Variants in SUGCT observed in about 807,000 individuals in gnomAD.
SUGCT encodes succinyl-CoA:glutarate CoA-transferase.
Under a neutral mutation model 55.0 loss-of-function variants are expected in SUGCT, and 41 were observed. The observed-to-expected ratio is 0.74, with a 90% CI of 0.58 to 0.97. The LOEUF (loss-of-function observed/expected upper bound fraction) is 0.97, where lower values mean the gene tolerates loss of function less well. SUGCT is among the 50% of genes least tolerant of loss of function. The pLI is 0.00. For synonymous variants in SUGCT, 187 were observed against 200.4 expected (o/e 0.93, Z 0.56); for missense variants, 568 against 547.8 (o/e 1.04, Z -0.37).
the SUGCT span, among the ~76,000 whole-genome samples, chr7:41,016,289 G>A: frequency 6.6e-6 from 1 of 152,020 alleles, no homozygotes; most frequent in African/African-American, 2.4e-5. Context: ...GATGTTTACT[G>A]GCTAATCTTA....
chr7:40,417,887 A>G (rs1480118280), intron 9 of SUGCT, among the ~76,000 whole-genome samples: 1 of 80,388 alleles, frequency 1.2e-5, no homozygotes, highest in African/African-American at 4.7e-5. Flanking sequence ...TATTTATTAC[A>G]CTTACATTTA....
the SUGCT span, among the ~76,000 whole-genome samples, chr7:40,957,447 CTT>C: frequency 4.2e-3 from 322 of 75,868 alleles, no homozygotes; most frequent in Middle Eastern, 0.019. Context: ...GCAACCCCTG[CTT>C]TTTTTTTTTT....
intron 12 of SUGCT, among the ~76,000 whole-genome samples, chr7:40,644,039 C>T (rs576399359): frequency 3.3e-5 from 5 of 152,184 alleles, no homozygotes; most frequent in Admixed American, 6.5e-5. Flanking sequence ...GAAGTCTGAT[C>T]GTGACCTCAG....
At chr7:40,148,562 T>A (rs1788386260) in intron 1 of SUGCT, among the ~76,000 whole-genome samples, 2 of 152,174 alleles carry the variant, frequency 1.3e-5, no homozygotes, top group Non-Finnish European at 2.9e-5. Context: ...GAGAATCACT[T>A]GAACCTGGGA....
At chr7:40,348,588 T>TC (rs957741741) in intron 9 of SUGCT, among the ~76,000 whole-genome samples, 1 of 152,076 alleles carries the variant, frequency 6.6e-6, no homozygotes, top group African/African-American at 2.4e-5. Flanking sequence ...ACCTCTCCAC[T>TC]CCCCCACCTT....
chr7:40,249,315 A>ATCTATATCTATATATATATATATATC (rs1314961773), intron 7 of SUGCT, among the ~76,000 whole-genome samples: 1 of 33,516 alleles, frequency 3.0e-5, no homozygotes, highest in Non-Finnish European at 6.3e-5. Flanking sequence ...CCAAAAAGCT[A>ATCTATATCTATATATATATATATATC]TATATATATA....
At chr7:40,191,051 G>A (rs573434279) in intron 5 of SUGCT, among the ~76,000 whole-genome samples, 162 of 152,088 alleles carry the variant, frequency 1.1e-3, no homozygotes, top group African/African-American at 3.5e-3. Flanking sequence ...GAGTCTTGCC[G>A]TGTCACCCAG....
chr7:40,773,716 G>A (rs914284832), intron 13 of SUGCT, among the ~76,000 whole-genome samples: 3 of 152,198 alleles, frequency 2.0e-5, no homozygotes, highest in African/African-American at 7.2e-5. Context: ...CTCTAGATAA[G>A]TAAAGTGTTT....
At chr7:40,938,014 A>T in the SUGCT span, among the ~76,000 whole-genome samples, 1 of 152,160 alleles carries the variant, frequency 6.6e-6, no homozygotes, top group Admixed American at 6.5e-5. Flanking sequence ...TCCTGTGAAG[A>T]TCTATTGCCT....
At chr7:40,399,550 C>T (rs1374980503) in intron 9 of SUGCT, among the ~76,000 whole-genome samples, 1 of 152,110 alleles carries the variant, frequency 6.6e-6, no homozygotes, top group Non-Finnish European at 1.5e-5. Context: ...TGAGAGTTTC[C>T]TCACCACAAT....
chr7:40,914,059 T>C, the SUGCT span, among the ~76,000 whole-genome samples: 3 of 147,462 alleles, frequency 2.0e-5, no homozygotes, highest in African/African-American at 7.7e-5. Flanking sequence ...TTTTTTTTTT[T>C]CAGTTTTTTT....
chr7:40,621,294 G>A (rs1337608549), intron 12 of SUGCT, among the ~76,000 whole-genome samples: 1 of 152,078 alleles, frequency 6.6e-6, no homozygotes, highest in African/African-American at 2.4e-5. Context: ...CCTGAACTCT[G>A]GGGAGCTTTC....
At chr7:40,752,429 C>T (rs1444216620) in intron 13 of SUGCT, among the ~76,000 whole-genome samples, 7 of 152,152 alleles carry the variant, frequency 4.6e-5, no homozygotes, top group Non-Finnish European at 8.8e-5. Context: ...AATCTCAGCT[C>T]ACTGCAACCT....
intron 1 of SUGCT, among the ~76,000 whole-genome samples, chr7:40,173,241 C>T (rs1167730585): frequency 6.6e-6 from 1 of 152,204 alleles, no homozygotes; most frequent in Non-Finnish European, 1.5e-5. Context: ...AGGCACTTAG[C>T]TATGCAGGAA....
intron 6 of SUGCT, among the ~76,000 whole-genome samples, chr7:40,231,345 G>A (rs4723935): frequency 6.6e-6 from 1 of 151,948 alleles, no homozygotes; most frequent in Non-Finnish European, 1.5e-5. Context: ...ATATTGCAGA[G>A]AACAGTCACC....
intron 13 of SUGCT, among the ~76,000 whole-genome samples, chr7:40,772,619 CT>C (rs1789225852): frequency 6.6e-6 from 1 of 150,928 alleles, no homozygotes. Flanking sequence ...ATCTATCTAT[CT>C]ATCTATCTAT....
rs1166236636 is a variant in SUGCT, at chr7:40,377,167, T to C, written c.816+60312T>C. Among the ~76,000 whole-genome samples, 9 of 16,542 alleles carry C rather than the reference T, an allele frequency of 5.4e-4. 1 individual carries two copies. The highest frequency in any genetic ancestry group is 4.5e-3 in the South Asian group (1 of 222). 10.9% of individuals were successfully genotyped at this position (16,542 alleles called of 152,430 possible). The stretch of plus-strand genomic sequence containing the variant: ...CTTTCTTTCTTTCTTTCTTTCTTTC[T>C]TTCTTTCTTTCTTTCTTTCTTTCTT... On this transcript the variant is annotated intron_variant, in intron 9 of 13. Transcript: ENST00000335693.
chr7:40,814,375 G>A (rs1791568523), intron 13 of SUGCT, among the ~76,000 whole-genome samples: 2 of 151,830 alleles, frequency 1.3e-5, no homozygotes, highest in Admixed American at 1.3e-4. Context: ...AATATTTCTT[G>A]ACAACTTTAT....
In SUGCT at chr7:40,322,182, A is replaced by T. The variant is rs190110219; in HGVS notation, c.816+5327A>T. On this transcript the variant is annotated intron_variant, in intron 9 of 13. Transcript: ENST00000335693. ...CTCACCTTTCTAACCATATCCTTTG[A>T]TTGTTACCAGGGAGTTTCACTGTTC... is the stretch of plus-strand genomic sequence containing the variant. 2.0e-3 allele frequency among the ~76,000 whole-genome samples: 299 copies of T among 152,112 alleles called. 12 individuals carry two copies. The South Asian group carries it at 0.059, about 30-fold the overall frequency.
Sources: gnomAD v4.1 joint callset for allele counts (sites outside exome capture counted in the v4.1 genomes callset) on GRCh38, gnomAD v4.1.1 for gene constraint, MANE v1.5 for transcripts, NCBI Gene and HGNC (gene_info 2026-07-23, HGNC 2026-07-21) for gene names.